Variants in RABEPK observed in about 807,000 individuals in gnomAD.
RABEPK encodes Rab9 effector protein with kelch motifs, also known as 40 kDa Rab9 effector protein.
Under a neutral mutation model 34.1 loss-of-function variants are expected in RABEPK, and 27 were observed. The observed-to-expected ratio is 0.79, with a 90% confidence interval of 0.58 to 1.09. RABEPK has a LOEUF of 1.09. Ranked by LOEUF, RABEPK falls within the 50% of genes least tolerant of loss-of-function variation. The probability of loss-of-function intolerance (pLI) is 0.00; values close to 1 mark genes in which losing one functional copy is unlikely to be tolerated. For missense variants in RABEPK, 449 were observed against 462.6 expected, an observed-to-expected ratio of 0.97 and a Z score of 0.27; for synonymous variants, 172 against 169.2, an observed-to-expected ratio of 1.02 and a Z score of -0.13.
At chr9:125,231,228 A>T (rs916503033) in intron 6 of RABEPK, among the ~76,000 whole-genome samples, 2 of 152,024 alleles carry the variant, frequency 1.3e-5, no homozygotes, top group African/African-American at 4.8e-5. Context: ...CGGGAGGTGG[A>T]GGTTGCAGTG....
At chr9:125,219,195 C>CT (rs1831150854) in intron 4 of RABEPK, among the ~76,000 whole-genome samples, 4 of 106,248 alleles carry the variant, frequency 3.8e-5, no homozygotes, top group African/African-American at 1.1e-4. Flanking sequence ...TCATTTCTTT[C>CT]TTTCTTTTTT....
chr9:125,228,460 C>G (rs1324198893), intron 6 of RABEPK, among the ~76,000 whole-genome samples: 1 of 151,794 alleles, frequency 6.6e-6, no homozygotes. Context: ...AGTTTGAGAC[C>G]AGCCTGGCCA....
intron 4 of RABEPK, among the ~76,000 whole-genome samples, chr9:125,220,007 C>CT (rs1001172951): frequency 8.7e-5 from 13 of 150,106 alleles, no homozygotes; most frequent in African/African-American, 1.5e-4. Context: ...TTTTTTTCTT[C>CT]TTTTTTTTTA....
intron 3 of RABEPK, among the ~76,000 whole-genome samples, chr9:125,212,747 C>T (rs1830669829): frequency 6.6e-6 from 1 of 151,338 alleles, no homozygotes; most frequent in Non-Finnish European, 1.5e-5. Flanking sequence ...CTTGGTTTAC[C>T]AAGTAAAATA....
chr9:125,219,199 C>CTT (rs1297507989), intron 4 of RABEPK, among the ~76,000 whole-genome samples: 14 of 96,292 alleles, frequency 1.5e-4, no homozygotes, highest in African/African-American at 3.1e-4. Flanking sequence ...TTCTTTCTTT[C>CTT]TTTTTTTTTT....
rs531173341 is a variant in RABEPK, at chr9:125,200,683, C to T, written c.-230C>T. 6 of 471,202 alleles carry T rather than the reference C, an allele frequency of 1.3e-5. 1 individual carries two copies. The highest frequency in any genetic ancestry group is 9.3e-5 in the South Asian group (6 of 64,576). 29.2% of individuals were successfully genotyped at this position (471,202 alleles called of 1,614,324 possible). On this transcript the variant is annotated 5_prime_UTR_variant, in exon 1 of 8. Transcript: ENST00000373538. ...ATCTTTTAGGGGAGTGGGCCCAAGC[C>T]GGGTGCAAAGAACGGGGAAGGGCCT...
chr9:125,200,675 G>T lies in RABEPK; in HGVS notation c.-238G>T, dbSNP rs1588312192. 2.1e-6 allele frequency: 1 copy of T among 471,192 alleles called. No individual in the cohort carries two copies. Among genetic ancestry groups the T allele is most frequent in the East Asian group, 6.9e-5 (1 of 14,402 alleles). 29.2% of individuals were successfully genotyped at this position (471,192 alleles called of 1,614,324 possible). A position where few individuals can be genotyped will look rare whatever the true frequency, so the allele number is the denominator to read the frequency against. ...GAGTCTGAATCTTTTAGGGGAGTGG[G>T]CCCAAGCCGGGTGCAAAGAACGGGG... On this transcript the variant is annotated 5_prime_UTR_variant, in exon 1 of 8. Transcript: ENST00000373538.
At chr9:125,207,076 C>A (rs1290456158) in intron 2 of RABEPK, among the ~76,000 whole-genome samples, 1 of 144,904 alleles carries the variant, frequency 6.9e-6, no homozygotes, top group Non-Finnish European at 1.5e-5. Context: ...GCAACAAGAG[C>A]AAAACTCCAT....
chr9:125,210,141 C>T (rs1830489847), intron 3 of RABEPK, among the ~76,000 whole-genome samples: 1 of 152,208 alleles, frequency 6.6e-6, no homozygotes, highest in South Asian at 2.1e-4. Flanking sequence ...CAGTGGCTCA[C>T]GCCTCTAATC....
At position 125,232,579 on chromosome 9, in the gene RABEPK, T is replaced by G; in HGVS notation, c.677-17T>G. On this transcript the variant is annotated splice_polypyrimidine_tract_variant and intron_variant, in intron 6 of 7. Transcript: ENST00000373538. ...CTTAGCCCATGCTGCGCCAAAGCTCTTTCTTTCTCTTGGCAGGTGACATGA... is the reference window on the plus strand; with the variant it reads ...CTTAGCCCATGCTGCGCCAAAGCTCGTTCTTTCTCTTGGCAGGTGACATGA... The G allele has an allele frequency of 1.2e-6, 2 of 1,606,556 alleles. No individual in the cohort carries two copies. The highest frequency in any genetic ancestry group is 1.7e-6 in the Non-Finnish European group (2 of 1,176,016).
intron 4 of RABEPK, among the ~76,000 whole-genome samples, chr9:125,214,516 C>T (rs192731834): frequency 2.6e-5 from 4 of 152,166 alleles, no homozygotes; most frequent in South Asian, 2.1e-4. Flanking sequence ...TTTGTTTGTT[C>T]GTTTTGTTTG....
chr9:125,207,020 C>T (rs997458124), intron 2 of RABEPK, among the ~76,000 whole-genome samples: 3 of 149,900 alleles, frequency 2.0e-5, no homozygotes, highest in African/African-American at 7.4e-5. Context: ...ACCCGGGAGG[C>T]GGAGGTTGTA....
chr9:125,225,558 C>T (rs1040902785), intron 5 of RABEPK, among the ~76,000 whole-genome samples: 7 of 151,932 alleles, frequency 4.6e-5, no homozygotes, highest in African/African-American at 1.2e-4. Flanking sequence ...CGCAGTGGCT[C>T]ATGCCTATAA....
intron 1 of RABEPK, among the ~76,000 whole-genome samples, chr9:125,201,307 C>G (rs1452113676): frequency 6.6e-6 from 1 of 152,112 alleles, no homozygotes; most frequent in Non-Finnish European, 1.5e-5. Flanking sequence ...GCAGAACAGG[C>G]TGCAAAATTA....
chr9:125,213,521 T>C lies in RABEPK; in HGVS notation c.363T>C (p.Pro121=). 6.2e-7 allele frequency: 1 copy of C among 1,612,954 alleles called. No individual in the cohort carries two copies. The highest frequency in any genetic ancestry group is 8.5e-7 in the Non-Finnish European group (1 of 1,179,648). ...GNRNCLQVLN[P]ETRTWTTPEV... is the part of the protein sequence containing the mutation. ...GAAATTGTCTACAAGTCCTGAATCC[T>C]GGTAAGTAGCCAAAGGTTATTTTAT... Residue 121 remains proline (P), a splice_region_variant and synonymous_variant, in exon 4 of 8, where the codon CCT becomes CCC. Transcript: ENST00000373538.
chr9:125,231,672 G>A (rs1378249940), intron 6 of RABEPK, among the ~76,000 whole-genome samples: 7 of 151,668 alleles, frequency 4.6e-5, no homozygotes, highest in Non-Finnish European at 5.9e-5. Flanking sequence ...CCCGGTGGCA[G>A]GTGCCTGTAA....
At chr9:125,217,847 C>G (rs1831032797) in intron 4 of RABEPK, among the ~76,000 whole-genome samples, 2 of 152,102 alleles carry the variant, frequency 1.3e-5, no homozygotes, top group African/African-American at 2.4e-5. Flanking sequence ...ATAGAGACAG[C>G]TACATTTTGC....
chr9:125,220,336 C>A, intron 4 of RABEPK: 1 of 1,445,308 alleles, frequency 6.9e-7, no homozygotes, highest in Non-Finnish European at 9.1e-7. Flanking sequence ...GCTTTTAAAT[C>A]TTGGGGATTT....
rs1564188599 is a variant in RABEPK at position 125,220,597 on chromosome 9, C to T, written c.423C>T (p.Phe141=). 1 of 1,614,198 alleles carries T rather than the reference C, an allele frequency of 6.2e-7. No individual in the cohort carries two copies. ...VTSPPPSPRT[F]HTSSAAIGNQ... ...GCCCCCCACCATCCCCAAGAACATTCCACACATCATCGGCAGCCATTGGAA... is the reference window on the plus strand; with the variant it reads ...GCCCCCCACCATCCCCAAGAACATTTCACACATCATCGGCAGCCATTGGAA... The change falls in exon 5 of 8, where the codon TTC becomes TTT. Residue 141 remains phenylalanine, a synonymous_variant. Coordinates refer to ENST00000373538, the MANE Select transcript of RABEPK (RefSeq NM_005833.4).
Sources: gnomAD v4.1 joint callset for allele counts (sites outside exome capture counted in the v4.1 genomes callset) on GRCh38, gnomAD v4.1.1 for gene constraint, MANE v1.5 for transcripts, NCBI Gene and HGNC (gene_info 2026-07-23, HGNC 2026-07-21) for gene names.